The following PIK3C2G variants were observed in gnomAD, a reference collection of about 807,000 sequenced individuals.
PIK3C2G encodes phosphatidylinositol-4-phosphate 3-kinase catalytic subunit type 2 gamma.
In PIK3C2G, 168 loss-of-function variants were observed where a neutral mutation model predicts 181.1. The observed-to-expected ratio is 0.93, with a 90% CI of 0.82 to 1.05. PIK3C2G has a LOEUF of 1.05. Among genes scored for constraint, PIK3C2G ranks in the 50% least tolerant of loss-of-function variants. The pLI, the probability that PIK3C2G is intolerant of heterozygous loss-of-function variation, is 0.00. For synonymous variants in PIK3C2G, 573 were observed against 592.2 expected (o/e 0.97, Z 0.47); for missense variants, 1,869 against 1,732.8 (o/e 1.08, Z -1.40).
the PIK3C2G span, among the ~76,000 whole-genome samples, chr12:18,654,143 G>GAT: frequency 6.6e-6 from 1 of 152,028 alleles, no homozygotes; most frequent in East Asian, 1.9e-4. Flanking sequence ...AGACTGGGCA[G>GAT]ATATGAAGGG....
At chr12:18,371,138 T>C (rs780264661) in intron 12 of PIK3C2G, 42 bp from the exon 13 acceptor site, 9 of 1,513,252 alleles carry the variant, frequency 5.9e-6, no homozygotes, top group Middle Eastern at 1.7e-4. Flanking sequence ...AAAATATCAG[T>C]ACAATTGGGT....
At chr12:18,503,525 C>T (rs537215365) in intron 23 of PIK3C2G, 108 bp downstream of exon 23, 24 of 681,324 alleles carry the variant, frequency 3.5e-5, no homozygotes, top group Non-Finnish European at 5.2e-5. Flanking sequence ...ACTTTGAGTT[C>T]TAATTCAATC....
Position 18,425,386 on chromosome 12 carries a change from CTTTTTTTTTTTTTTTTT to C in PIK3C2G, c.2504+1355_2504+1371del, listed in dbSNP as rs1228477062. On this transcript the variant is annotated intron_variant, in intron 18 of 32. Transcript: ENST00000538779. Reference sequence around the variant, plus strand: ...TTCTCTAGCTAAAGGACAGACATTTCTTTTTTTTTTTTTTTTTTTTTTTTGAGTCGGAGTCTCACTTT... The same window carrying C: ...TTCTCTAGCTAAAGGACAGACATTTCTTTTTTTGAGTCGGAGTCTCACTTT... 2.0e-4 allele frequency among the ~76,000 whole-genome samples: 13 copies of C among 65,312 alleles called. No homozygotes were observed. The East Asian group carries it at 7.4e-3, about 37-fold the overall frequency. 42.8% of individuals were successfully genotyped at this position (65,312 alleles called of 152,430 possible). A position where few individuals can be genotyped will look rare whatever the true frequency, so the allele number is the denominator to read the frequency against.
chr12:18,451,610 T>C (rs1406329518), intron 18 of PIK3C2G, among the ~76,000 whole-genome samples: 1 of 152,206 alleles, frequency 6.6e-6, no homozygotes. Flanking sequence ...TCCAATACTA[T>C]GTTGAATAGG....
chr12:18,498,036 C>T (rs1302037714), intron 22 of PIK3C2G, among the ~76,000 whole-genome samples: 2 of 152,006 alleles, frequency 1.3e-5, no homozygotes, highest in South Asian at 2.1e-4. Flanking sequence ...TAATAACTTA[C>T]TGTTATTTTT....
the PIK3C2G span, among the ~76,000 whole-genome samples, chr12:18,664,941 G>A: frequency 3.4e-5 from 5 of 146,952 alleles, no homozygotes; most frequent in African/African-American, 7.6e-5. Context: ...CTCACTCATA[G>A]GTGGGAATTG....
At chr12:18,263,160 C>T (rs1297342303) in intron 1 of PIK3C2G, among the ~76,000 whole-genome samples, 5 of 151,946 alleles carry the variant, frequency 3.3e-5, no homozygotes, top group African/African-American at 4.8e-5. Flanking sequence ...TCTTGGCAAC[C>T]TTATTTTTTA....
chr12:18,683,674 A>G, the PIK3C2G span: 1 of 1,267,656 alleles, frequency 7.9e-7, no homozygotes, highest in Middle Eastern at 2.1e-4. Context: ...AATTGGGAGC[A>G]CAGTGTAAAT....
At chr12:18,650,694 G>A (rs1950427645), downstream of PIK3C2G, among the ~76,000 whole-genome samples, 1 of 38,864 alleles carries the variant, frequency 2.6e-5, no homozygotes, top group African/African-American at 1.6e-4. Context: ...GTGTGTGTGT[G>A]TGTGTGTGTG....
At chr12:18,654,442 T>C in the PIK3C2G span, among the ~76,000 whole-genome samples, 11 of 152,096 alleles carry the variant, frequency 7.2e-5, no homozygotes, top group Non-Finnish European at 1.3e-4. Context: ...TCAAATCACC[T>C]TTTCCTTCAA....
At chr12:18,308,735 T>C (rs12296791) in intron 5 of PIK3C2G, among the ~76,000 whole-genome samples, 25,793 of 151,492 alleles carry the variant, frequency 0.17, 2,491 homozygotes, top group East Asian at 0.45. Context: ...ATATTTACCA[T>C]GTTGGAAATT....
the PIK3C2G span, chr12:18,694,886 TA>T: frequency 1.3e-6 from 2 of 1,540,784 alleles, no homozygotes; most frequent in Non-Finnish European, 1.8e-6. Flanking sequence ...CCAAAAAATG[TA>T]AAAGAAAATT....
intron 9 of PIK3C2G, among the ~76,000 whole-genome samples, chr12:18,342,165 T>A (rs1220583122): frequency 2.0e-5 from 3 of 152,132 alleles, no homozygotes; most frequent in Non-Finnish European, 2.9e-5. Context: ...TTTAGTTAAA[T>A]CAGTCTAACA....
chr12:18,657,003 G>A, the PIK3C2G span, among the ~76,000 whole-genome samples: 2 of 152,088 alleles, frequency 1.3e-5, no homozygotes, highest in Non-Finnish European at 2.9e-5. Context: ...ATATGACAGA[G>A]AGTAAAATAG....
At chr12:18,247,313 A>G (rs756249174), upstream of PIK3C2G, among the ~76,000 whole-genome samples, 3 of 152,346 alleles carry the variant, frequency 2.0e-5, no homozygotes, top group Non-Finnish European at 4.4e-5. Context: ...AGAGAAAAAC[A>G]GGACAATTAG....
chr12:18,423,704 C>T (rs1301135681), intron 17 of PIK3C2G, among the ~76,000 whole-genome samples: 1 of 152,096 alleles, frequency 6.6e-6, no homozygotes, highest in Non-Finnish European at 1.5e-5. Flanking sequence ...CAACCACCTG[C>T]CCTTATTTCT....
At chr12:18,696,141 A>G in the PIK3C2G span, 4 of 1,338,358 alleles carry the variant, frequency 3.0e-6, no homozygotes, top group South Asian at 2.4e-5. Flanking sequence ...AATATCGTAT[A>G]TAACATACCC....
At chr12:18,424,702 C>A in intron 18 of PIK3C2G, 1 of 213,306 alleles carries the variant, frequency 4.7e-6, no homozygotes, top group South Asian at 8.9e-5. Context: ...GAAGGCTTGT[C>A]AGTTGGACAG....
At chr12:18,653,955 C>T in the PIK3C2G span, among the ~76,000 whole-genome samples, 3 of 152,098 alleles carry the variant, frequency 2.0e-5, no homozygotes, top group Non-Finnish European at 2.9e-5. Context: ...TCCATGATTC[C>T]GATTTACCCC....
Sources: allele counts gnomAD v4.1 joint callset (sites outside exome capture counted in the v4.1 genomes callset), GRCh38; gene constraint gnomAD v4.1.1; transcripts MANE v1.5; gene names NCBI Gene and HGNC (gene_info 2026-07-23, HGNC 2026-07-21).